The following ANKS1B variants were observed in gnomAD, a reference collection of about 807,000 sequenced individuals.
ANKS1B encodes the protein ankyrin repeat and sterile alpha motif domain-containing protein 1B.
ANKS1B carries 36 observed loss-of-function variants against 148.3 expected under a neutral mutation model. The observed-to-expected ratio is 0.24, with a 90% CI of 0.19 to 0.32. The LOEUF is 0.32. Ranked by LOEUF, ANKS1B falls within the 10% of genes least tolerant of loss-of-function variation. The pLI is 1.00. For missense variants in ANKS1B, 1,157 were observed against 1,542.6 expected (o/e 0.75, Z 4.19); for synonymous variants, 542 against 560.8 (o/e 0.97, Z 0.47).
At chr12:99,468,763 T>A (rs527275024) in intron 10 of ANKS1B, among the ~76,000 whole-genome samples, 5 of 152,202 alleles carry the variant, frequency 3.3e-5, no homozygotes, top group African/African-American at 1.2e-4. Flanking sequence ...CCAGTTAGAA[T>A]GGCAATCATT....
chr12:99,600,131 A>C (rs1160370713), intron 9 of ANKS1B, among the ~76,000 whole-genome samples: 1 of 151,792 alleles, frequency 6.6e-6, no homozygotes, highest in African/African-American at 2.4e-5. Flanking sequence ...AAATTATCTT[A>C]TTAAAGTCAG....
chr12:99,801,440 A>G (rs1297627371), intron 4 of ANKS1B, among the ~76,000 whole-genome samples: 1 of 152,206 alleles, frequency 6.6e-6, no homozygotes, highest in Non-Finnish European at 1.5e-5. Flanking sequence ...TGAATCAAGT[A>G]AGAGGAGAAG....
intron 1 of ANKS1B, among the ~76,000 whole-genome samples, chr12:99,872,730 AAAG>A (rs2091663769): frequency 6.6e-6 from 1 of 152,140 alleles, no homozygotes; most frequent in South Asian, 2.1e-4. Context: ...CCTAGTCTGA[AAAG>A]AAGGATCACC....
chr12:99,546,513 G>T (rs2097173960), intron 9 of ANKS1B, among the ~76,000 whole-genome samples: 1 of 152,106 alleles, frequency 6.6e-6, no homozygotes, highest in Non-Finnish European at 1.5e-5. Flanking sequence ...CATATCTGCT[G>T]CTCTCAGTAG....
Position 99,258,413 on chromosome 12 carries a change from G to C in ANKS1B, c.1757-11549C>G, listed in dbSNP as rs374443363. Among the ~76,000 whole-genome samples, 3 of 151,864 alleles carry C rather than the reference G, an allele frequency of 2.0e-5. No homozygotes were observed. The East Asian group carries it at 5.8e-4, about 29-fold the overall frequency. ...TGGTATTTTGAAAGAATTCCAAGTA[G>C]TCTATGATCTTCATTTAAAAAAAAA... On this transcript the variant is annotated intron_variant, in intron 12 of 26. Transcript: ENST00000683438.
chr12:98,990,048 G>A (rs533367550), intron 17 of ANKS1B, among the ~76,000 whole-genome samples: 1 of 151,188 alleles, frequency 6.6e-6, no homozygotes, highest in East Asian at 1.9e-4. Context: ...GAAAGAAAAA[G>A]AAAGAAAGTC....
Position 99,145,442 on chromosome 12 carries a change from A to C in ANKS1B, c.2526+8847T>G, listed in dbSNP as rs191295254. 9.1e-4 allele frequency among the ~76,000 whole-genome samples: 139 copies of C among 152,216 alleles called. 1 individual carries two copies. In the South Asian group the frequency reaches 0.016, roughly 18 times the overall value. ...TCAGTAGCGGAAGGCTCCCTGGAGCAAGGGGAGCACCTAGAACCTTGAGGT... is the reference window on the plus strand; with the variant it reads ...TCAGTAGCGGAAGGCTCCCTGGAGCCAGGGGAGCACCTAGAACCTTGAGGT... On this transcript the variant is annotated intron_variant, in intron 15 of 26. Transcript: ENST00000683438.
chr12:98,741,428 A>G (rs369007805), downstream of ANKS1B, among the ~76,000 whole-genome samples: 8 of 152,310 alleles, frequency 5.3e-5, no homozygotes, highest in East Asian at 1.2e-3. Context: ...TTATTTTTTA[A>G]AACTGGGTTT....
At chr12:99,401,417 T>A (rs1465840645) in intron 11 of ANKS1B, among the ~76,000 whole-genome samples, 1 of 146,468 alleles carries the variant, frequency 6.8e-6, no homozygotes, top group Non-Finnish European at 1.5e-5. Context: ...TGGACCACAT[T>A]TCTATGTTTC....
At chr12:99,351,053 A>T (rs2091356949) in intron 12 of ANKS1B, among the ~76,000 whole-genome samples, 1 of 152,168 alleles carries the variant, frequency 6.6e-6, no homozygotes, top group Non-Finnish European at 1.5e-5. Flanking sequence ...AAAGTGCTTT[A>T]TCATTCCACT....
chr12:99,652,581 GTA>G (rs2098427271), intron 9 of ANKS1B, among the ~76,000 whole-genome samples: 1 of 151,896 alleles, frequency 6.6e-6, no homozygotes, highest in African/African-American at 2.4e-5. Flanking sequence ...TGTATCTCAA[GTA>G]CATTTATAGA....
At chr12:99,728,850 T>C (rs979116726) in intron 8 of ANKS1B, among the ~76,000 whole-genome samples, 3 of 152,098 alleles carry the variant, frequency 2.0e-5, no homozygotes, top group African/African-American at 7.2e-5. Flanking sequence ...CCATCCTAAC[T>C]AACTAACTAA....
At chr12:99,865,139 T>A (rs991436466) in intron 1 of ANKS1B, among the ~76,000 whole-genome samples, 1 of 152,260 alleles carries the variant, frequency 6.6e-6, no homozygotes, top group East Asian at 1.9e-4. Context: ...TCAAATGTAC[T>A]ATTTTTATAT....
At chr12:98,929,034 A>G (rs1428676562) in intron 17 of ANKS1B, among the ~76,000 whole-genome samples, 1 of 145,616 alleles carries the variant, frequency 6.9e-6, no homozygotes, top group Non-Finnish European at 1.5e-5. Flanking sequence ...TATATAGAAA[A>G]CCCTAATACA....
intron 19 of ANKS1B, among the ~76,000 whole-genome samples, chr12:98,826,891 AG>A (rs1188628189): frequency 1.3e-5 from 2 of 152,218 alleles, no homozygotes; most frequent in Admixed American, 6.5e-5. Context: ...CAGGGGAAAA[AG>A]TATGGTCTAG....
intron 12 of ANKS1B, among the ~76,000 whole-genome samples, chr12:99,251,284 C>T (rs1319167075): frequency 6.6e-6 from 1 of 152,074 alleles, no homozygotes; most frequent in Non-Finnish European, 1.5e-5. Flanking sequence ...TATAGGGTTT[C>T]ATTTTTATAA....
intron 17 of ANKS1B, among the ~76,000 whole-genome samples, chr12:98,907,060 G>C (rs557848738): frequency 8.0e-5 from 12 of 150,626 alleles, no homozygotes; most frequent in African/African-American, 2.9e-4. Flanking sequence ...TGTATGGTGA[G>C]AATACTTAAG....
intron 12 of ANKS1B, among the ~76,000 whole-genome samples, chr12:99,320,774 G>T (rs2085104343): frequency 6.6e-6 from 1 of 152,168 alleles, no homozygotes; most frequent in African/African-American, 2.4e-5. Flanking sequence ...GAGAAGAGGT[G>T]CTCTGATTTT....
chr12:99,501,203 C>G (rs943365767), intron 10 of ANKS1B, among the ~76,000 whole-genome samples: 8 of 152,066 alleles, frequency 5.3e-5, no homozygotes, highest in Admixed American at 4.6e-4. Flanking sequence ...TAGTCTACAT[C>G]TACTAATTCC....
Sources: allele counts gnomAD v4.1 joint callset (sites outside exome capture counted in the v4.1 genomes callset), GRCh38; gene constraint gnomAD v4.1.1; transcripts MANE v1.5; gene names NCBI Gene and HGNC (gene_info 2026-07-23, HGNC 2026-07-21).